KIAA1217: variants seen among roughly 807,000 people sequenced by gnomAD.
KIAA1217 encodes KIAA1217.
A neutral mutation model predicts 163.9 loss-of-function variants in KIAA1217; 88 were observed. The observed-to-expected ratio is 0.54, with a 90% CI of 0.45 to 0.64. The LOEUF is 0.64. Ranked by LOEUF, KIAA1217 falls within the 30% of genes least tolerant of loss-of-function variation. The probability of loss-of-function intolerance (pLI) is 0.00; values close to 1 mark genes in which losing one functional copy is unlikely to be tolerated. For synonymous variants in KIAA1217, 903 were observed against 923.1 expected (o/e 0.98, Z 0.39); for missense variants, 2,372 against 2,475.0 (o/e 0.96, Z 0.88).
intron 2 of KIAA1217, among the ~76,000 whole-genome samples, chr10:24,221,692 A>G (rs2069676608): frequency 1.3e-5 from 2 of 152,194 alleles, no homozygotes; most frequent in African/African-American, 4.8e-5. Context: ...GAGAAAAGAA[A>G]AAGAATCCTG....
At chr10:24,416,975 T>G (rs1040020665) in intron 3 of KIAA1217, among the ~76,000 whole-genome samples, 1 of 152,192 alleles carries the variant, frequency 6.6e-6, no homozygotes, top group Non-Finnish European at 1.5e-5. Flanking sequence ...TCAGGACTTA[T>G]ACCCCTAATC....
chr10:24,528,619 C>G (rs2072611863), intron 14 of KIAA1217, among the ~76,000 whole-genome samples: 1 of 152,102 alleles, frequency 6.6e-6, no homozygotes, highest in Admixed American at 6.6e-5. Context: ...TTGAGCCACA[C>G]TTGATTTCAC....
At chr10:24,471,658 A>G (rs538097607) in intron 5 of KIAA1217, among the ~76,000 whole-genome samples, 66 of 152,166 alleles carry the variant, frequency 4.3e-4, no homozygotes, top group Admixed American at 3.5e-3. Flanking sequence ...CGAGGCAGGC[A>G]GATCACCTGA....
At chr10:23,809,274 A>G (rs1278069958) in intron 1 of KIAA1217, among the ~76,000 whole-genome samples, 1 of 152,084 alleles carries the variant, frequency 6.6e-6, no homozygotes, top group Non-Finnish European at 1.5e-5. Flanking sequence ...CAAAACAGTG[A>G]TAACAAGGGA....
chr10:24,121,897 G>A (rs1421107922), intron 2 of KIAA1217, among the ~76,000 whole-genome samples: 1 of 151,948 alleles, frequency 6.6e-6, no homozygotes, highest in Admixed American at 6.6e-5. Flanking sequence ...ATATCTCTTG[G>A]GGCATCACTA....
intron 1 of KIAA1217, among the ~76,000 whole-genome samples, chr10:23,863,232 A>G (rs1463780645): frequency 6.6e-6 from 1 of 152,152 alleles, no homozygotes; most frequent in South Asian, 2.1e-4. Context: ...ATGCATATTA[A>G]CGATTGTTAC....
At chr10:23,983,912 T>G (rs1845869587) in intron 1 of KIAA1217, among the ~76,000 whole-genome samples, 1 of 152,208 alleles carries the variant, frequency 6.6e-6, no homozygotes, top group Non-Finnish European at 1.5e-5. Context: ...TAACTGCTTA[T>G]GCCCAATGCC....
chr10:24,462,234 G>A (rs2062482987), intron 5 of KIAA1217, among the ~76,000 whole-genome samples: 1 of 151,702 alleles, frequency 6.6e-6, no homozygotes, highest in Admixed American at 6.6e-5. Context: ...TCATTTTGAG[G>A]CAAGTAGATA....
At chr10:24,071,929 C>A (rs779262530) in intron 2 of KIAA1217, among the ~76,000 whole-genome samples, 1 of 152,112 alleles carries the variant, frequency 6.6e-6, no homozygotes, top group Non-Finnish European at 1.5e-5. Context: ...ATTTCACCAT[C>A]TTTTAACTTA....
intron 2 of KIAA1217, among the ~76,000 whole-genome samples, chr10:24,119,429 A>T (rs2063190494): frequency 6.6e-6 from 1 of 152,124 alleles, no homozygotes; most frequent in Non-Finnish European, 1.5e-5. Context: ...CCATGAAATC[A>T]TATTGCAAAT....
chr10:24,524,878 G>A (rs2134721019), intron 13 of KIAA1217, 114 bp downstream of exon 13: 1 of 1,021,306 alleles, frequency 9.8e-7, no homozygotes, highest in Admixed American at 2.9e-5. Flanking sequence ...ATCAGAGACA[G>A]GGTTTTGGAA....
At chr10:24,171,446 GA>G (rs1455387970) in intron 2 of KIAA1217, among the ~76,000 whole-genome samples, 3 of 152,190 alleles carry the variant, frequency 2.0e-5, no homozygotes, top group African/African-American at 7.2e-5. Context: ...TTTAAAAATT[GA>G]AAATGTTTAA....
chr10:23,786,149 G>A (rs1035637510), intron 1 of KIAA1217, among the ~76,000 whole-genome samples: 5 of 152,104 alleles, frequency 3.3e-5, no homozygotes, highest in Non-Finnish European at 5.9e-5. Context: ...GAGCAACAGA[G>A]GTACAGGGGG....
chr10:23,714,632 A>G (rs1837460264), intron 1 of KIAA1217, among the ~76,000 whole-genome samples: 2 of 152,196 alleles, frequency 1.3e-5, no homozygotes, highest in South Asian at 4.1e-4. Flanking sequence ...AAAGATGACT[A>G]CAAAGTTTTT....
intron 1 of KIAA1217, among the ~76,000 whole-genome samples, chr10:23,967,531 A>G (rs1190863171): frequency 6.6e-6 from 1 of 152,214 alleles, no homozygotes; most frequent in Non-Finnish European, 1.5e-5. Context: ...GACTTCATAA[A>G]GAAATTGTAT....
chr10:23,765,708 C>G (rs544716484), intron 1 of KIAA1217, among the ~76,000 whole-genome samples: 1 of 152,144 alleles, frequency 6.6e-6, no homozygotes, highest in Non-Finnish European at 1.5e-5. Flanking sequence ...CCCCGATCAG[C>G]GCTCTCCTGC....
intron 1 of KIAA1217, among the ~76,000 whole-genome samples, chr10:23,726,467 C>A (rs1238844785): frequency 6.6e-6 from 1 of 151,946 alleles, no homozygotes; most frequent in African/African-American, 2.4e-5. Flanking sequence ...AAAACTTAGG[C>A]AATACCATTC....
rs538855780 is a variant in KIAA1217, at chr10:24,185,651, C to T, written c.-170-33975C>T. 7.2e-5 allele frequency among the ~76,000 whole-genome samples: 11 copies of T among 152,118 alleles called. No homozygotes were observed. The East Asian group carries it at 1.2e-3, about 16-fold the overall frequency. On this transcript the variant is annotated intron_variant, in intron 2 of 18. Transcript: ENST00000376462. ...CTCTACTAAAATTACAAAAATTAGC[C>T]AAGCATGGTGGCTTACACCCCTAAT...
rs150995736 is a variant in KIAA1217, at chr10:23,699,327, G to A, written c.-321+4093G>A. On this transcript the variant is annotated intron_variant, in intron 1 of 18. Transcript: ENST00000376462. ...TGTACATCAAAGAATCACAGTTTCAGACACAGAAGGGACTGCGAAGACCAT... is the reference window on the plus strand; with the variant it reads ...TGTACATCAAAGAATCACAGTTTCAAACACAGAAGGGACTGCGAAGACCAT... 5.2e-3 allele frequency among the ~76,000 whole-genome samples: 794 copies of A among 152,346 alleles called. 27 individuals carry two copies. Among genetic ancestry groups the A allele is most frequent in the Admixed American group, 0.043 (657 of 15,292 alleles).
Sources: gnomAD v4.1 joint callset for allele counts (sites outside exome capture counted in the v4.1 genomes callset) on GRCh38, gnomAD v4.1.1 for gene constraint, MANE v1.5 for transcripts, NCBI Gene and HGNC (gene_info 2026-07-23, HGNC 2026-07-21) for gene names.